PSD3: variants seen among roughly 807,000 people sequenced by gnomAD.
PSD3 encodes pleckstrin and Sec7 domain containing 3.
PSD3 carries 49 observed loss-of-function variants against 105.5 expected under a neutral mutation model. That is an observed-to-expected ratio of 0.46 (90% CI 0.37 to 0.59). PSD3 has a LOEUF of 0.59. Ranked by LOEUF, PSD3 falls within the 20% of genes least tolerant of loss-of-function variation. PSD3 has a pLI of 0.00. For missense variants in PSD3, 1,561 were observed against 1,263.8 expected, an observed-to-expected ratio of 1.24 and a Z score of -3.57; for synonymous variants, 557 against 457.8, an observed-to-expected ratio of 1.22 and a Z score of -2.77.
At chr8:18,941,618 T>C (rs571582337) in intron 1 of PSD3, among the ~76,000 whole-genome samples, 2 of 151,454 alleles carry the variant, frequency 1.3e-5, no homozygotes, top group Non-Finnish European at 2.9e-5. Flanking sequence ...TTACCGATTA[T>C]AATTACCAAT....
chr8:18,604,877 T>C (rs1804703193), intron 11 of PSD3, among the ~76,000 whole-genome samples: 1 of 152,210 alleles, frequency 6.6e-6, no homozygotes, highest in Non-Finnish European at 1.5e-5. Flanking sequence ...CATGTGGTTT[T>C]AAGCCTGTGG....
intron 1 of PSD3, among the ~76,000 whole-genome samples, chr8:19,060,024 C>T (rs181883341): frequency 4.6e-5 from 7 of 152,320 alleles, no homozygotes; most frequent in African/African-American, 1.7e-4. Context: ...TGACAAAAGT[C>T]CACCCTTAAA....
At chr8:19,013,375 G>A (rs1357249112) in intron 1 of PSD3, among the ~76,000 whole-genome samples, 188 bp downstream of exon 1, 3 of 152,002 alleles carry the variant, frequency 2.0e-5, no homozygotes, top group Non-Finnish European at 4.4e-5. Flanking sequence ...GACCCTGCTG[G>A]GCTCCTAAAA....
intron 4 of PSD3, among the ~76,000 whole-genome samples, chr8:18,859,898 G>T (rs1294780782): frequency 1.3e-5 from 2 of 152,190 alleles, no homozygotes; most frequent in Non-Finnish European, 2.9e-5. Context: ...TTATTCATGT[G>T]TTCTATGAAG....
At chr8:18,926,247 G>A (rs1821353783) in intron 2 of PSD3, among the ~76,000 whole-genome samples, 1 of 151,900 alleles carries the variant, frequency 6.6e-6, no homozygotes, top group South Asian at 2.1e-4. Flanking sequence ...GGGTGGCTGA[G>A]ATAGTGACCT....
intron 9 of PSD3, among the ~76,000 whole-genome samples, chr8:18,699,794 G>A (rs1397354295): frequency 6.6e-6 from 1 of 151,860 alleles, no homozygotes; most frequent in Non-Finnish European, 1.5e-5. Flanking sequence ...GTTATTACCA[G>A]TATTTAAGCC....
At chr8:18,855,000 G>A (rs143905737) in intron 4 of PSD3, among the ~76,000 whole-genome samples, 1,975 of 152,286 alleles carry the variant, frequency 0.013, 16 homozygotes, top group Non-Finnish European at 0.022. Flanking sequence ...GGGACAGCAG[G>A]AGTTGAGATC....
At chr8:18,765,709 G>T (rs1382154809) in intron 8 of PSD3, among the ~76,000 whole-genome samples, 171 bp from the exon 9 acceptor site, 1 of 151,910 alleles carries the variant, frequency 6.6e-6, no homozygotes, top group African/African-American at 2.4e-5. Flanking sequence ...GGTGGATCAC[G>T]AGGTCAGGAG....
intron 1 of PSD3, among the ~76,000 whole-genome samples, chr8:18,999,324 T>C (rs1170331000): frequency 6.6e-6 from 1 of 152,024 alleles, no homozygotes; most frequent in South Asian, 2.1e-4. Flanking sequence ...TGCCCATTCA[T>C]ACCTGCTGCT....
intron 4 of PSD3, among the ~76,000 whole-genome samples, chr8:18,859,403 T>C (rs1816266552): frequency 6.6e-6 from 1 of 152,106 alleles, no homozygotes; most frequent in Non-Finnish European, 1.5e-5. Flanking sequence ...GAAGGGAAAA[T>C]GAGCACTAAC....
chr8:18,651,520 T>C (rs1808479315), intron 10 of PSD3, among the ~76,000 whole-genome samples: 1 of 152,236 alleles, frequency 6.6e-6, no homozygotes. Context: ...CTATAGCCTT[T>C]TATGGAGCCT....
chr8:19,034,881 G>T (rs1056351665), intron 1 of PSD3, among the ~76,000 whole-genome samples: 2 of 152,038 alleles, frequency 1.3e-5, no homozygotes, highest in African/African-American at 4.8e-5. Flanking sequence ...TCTTCTCCCT[G>T]CCCTCCCTCT....
intron 9 of PSD3, among the ~76,000 whole-genome samples, chr8:18,677,307 G>A (rs1444679022): frequency 2.0e-5 from 3 of 152,184 alleles, no homozygotes; most frequent in Non-Finnish European, 4.4e-5. Context: ...GGTCAGCGCA[G>A]TGGCTCATGC....
chr8:19,048,751 T>G (rs985369186), intron 1 of PSD3, among the ~76,000 whole-genome samples: 1 of 152,244 alleles, frequency 6.6e-6, no homozygotes, highest in African/African-American at 2.4e-5. Context: ...AGAATCTTAA[T>G]GAAGCTTCCT....
At chr8:18,546,042 C>T (rs967339408) in intron 15 of PSD3, among the ~76,000 whole-genome samples, 1 of 152,126 alleles carries the variant, frequency 6.6e-6, no homozygotes, top group African/African-American at 2.4e-5. Flanking sequence ...ACTCTGTCGC[C>T]CAGGCTATAG....
rs1158590508 is a variant in PSD3 at position 19,069,937 on chromosome 8, CTTTTCTT to C, written c.324+14262_324+14268del. 2.7e-3 allele frequency among the ~76,000 whole-genome samples: 367 copies of C among 133,508 alleles called. 3 individuals are homozygous for C. Among genetic ancestry groups the C allele is most frequent in the East Asian group, 0.014 (63 of 4,402 alleles). 87.6% of individuals were successfully genotyped at this position (133,508 alleles called of 152,430 possible). A position where few individuals can be genotyped will look rare whatever the true frequency, so the allele number is the denominator to read the frequency against. On this transcript the variant is annotated intron_variant, in intron 1 of 1. Coordinates refer to the PSD3 transcript ENST00000521475. ...CTGCACAAACTCTCATCTCAAAAAG[CTTTTCTT>C]TTTTCTTTTTTTTTTTTTTGAGACA...
chr8:18,682,753 T>C (rs1479397650), intron 9 of PSD3, among the ~76,000 whole-genome samples: 1 of 151,964 alleles, frequency 6.6e-6, no homozygotes, highest in African/African-American at 2.4e-5. Context: ...CCAAAGTCTT[T>C]CAATAATGTT....
At chr8:19,060,213 G>C (rs989192863) in intron 1 of PSD3, among the ~76,000 whole-genome samples, 1 of 152,134 alleles carries the variant, frequency 6.6e-6, no homozygotes, top group Admixed American at 6.5e-5. Flanking sequence ...GTGGATTCAG[G>C]TGACTAGAGG....
Position 18,535,608 on chromosome 8 carries a change from A to G in PSD3, c.*135T>C, listed in dbSNP as rs192606715. The G allele has an allele frequency of 6.9e-4, 525 of 758,784 alleles. 3 individuals carry two copies. The African/African-American group carries it at 8.4e-3, about 12-fold the overall frequency. The allele number at this position is 758,784 out of a possible 1,614,324, so 47.0% of individuals were successfully genotyped here. A position where few individuals can be genotyped will look rare whatever the true frequency, so the allele number is the denominator to read the frequency against. On this transcript the variant is annotated 3_prime_UTR_variant, in exon 16 of 16. Coordinates refer to ENST00000327040, the MANE Select transcript of PSD3 (RefSeq NM_015310.4). ...AATCTGTACAGAAACTAACAAAAAT[A>G]TACAATAGAAAAAATTACTAATGCA...
Sources: gnomAD v4.1 joint callset for allele counts (sites outside exome capture counted in the v4.1 genomes callset) on GRCh38, gnomAD v4.1.1 for gene constraint, MANE v1.5 for transcripts, NCBI Gene and HGNC (gene_info 2026-07-23, HGNC 2026-07-21) for gene names.